Variants in ITGA2B observed in about 807,000 individuals in gnomAD.
ITGA2B encodes integrin subunit alpha 2b.
ITGA2B carries 91 observed loss-of-function variants against 142.0 expected under a neutral mutation model. That is an observed-to-expected ratio of 0.64 (90% confidence interval 0.54 to 0.76). The LOEUF is 0.76. ITGA2B is among the 30% of genes least tolerant of loss of function. The pLI is 0.00. For synonymous variants in ITGA2B, 536 were observed against 567.2 expected (o/e 0.94, Z 0.78); for missense variants, 1,231 against 1,350.8 (o/e 0.91, Z 1.39).
At chr17:44,388,706 A>G (rs1306760134) in intron 1 of ITGA2B, among the ~76,000 whole-genome samples, 2 of 151,950 alleles carry the variant, frequency 1.3e-5, no homozygotes, top group Non-Finnish European at 1.5e-5. Flanking sequence ...TTTAATAGAG[A>G]CAGGGTTTCA....
chr17:44,386,739 T>C (rs1161398818), intron 1 of ITGA2B, among the ~76,000 whole-genome samples: 1 of 152,260 alleles, frequency 6.6e-6, no homozygotes, highest in Admixed American at 6.5e-5. Context: ...ACGGTTAGCA[T>C]GGTCCCAGCC....
chr17:44,380,924 A>G lies in ITGA2B; in HGVS notation c.1348T>C (p.Phe450Leu). The part of the protein sequence containing the change: ...SPFPTGSAFG[F>L]SLRGAVDIDD... ...ATGTCTACGGCACCTCGAAGGGAGA[A>G]GCCAAAGGCAGAGCCTGTGGGGAAG... Residue 450 changes from phenylalanine to leucine, a missense_variant, in exon 13 of 30, where the codon TTC (phenylalanine) becomes CTC (leucine). Phe to Leu is a conservative substitution (Grantham distance 22, BLOSUM62 0). This residue lies in a region of ITGA2B where 908 missense variants were observed against 1,021.1 expected (regional missense o/e 0.89). Coordinates refer to ENST00000262407, the MANE Select transcript of ITGA2B (RefSeq NM_000419.5). The G allele has an allele frequency of 6.2e-7, 1 of 1,614,230 alleles. No homozygotes were observed.
intron 17 of ITGA2B, 25 bp downstream of exon 17, chr17:44,379,977 C>T: frequency 2.5e-6 from 4 of 1,613,054 alleles, no homozygotes; most frequent in Non-Finnish European, 3.4e-6. Flanking sequence ...TCTCCCAGCC[C>T]TGCCAATCCC....
intron 18 of ITGA2B, 34 bp from the exon 19 acceptor site, chr17:44,378,744 G>T: frequency 6.5e-7 from 1 of 1,547,070 alleles, no homozygotes; most frequent in South Asian, 1.2e-5. Context: ...CGGGTAAGTT[G>T]GGGATGTGTG....
At position 44,384,149 on chromosome 17, in the gene ITGA2B, A is replaced by T. The variant is rs1421574662; in HGVS notation, c.892-11T>A. ...ATCCAAAATTTCCACCTGCACGGAC[A>T]GCGCAGGCGAGAGCATCATTCTTGT... On this transcript the variant is annotated splice_polypyrimidine_tract_variant and intron_variant, in intron 9 of 29. Transcript: ENST00000262407. The T allele has an allele frequency of 3.1e-6, 5 of 1,612,548 alleles. No individual in the cohort carries two copies. The highest frequency in any genetic ancestry group is 4.2e-6 in the Non-Finnish European group (5 of 1,179,558).
rs2048535517 is a variant in ITGA2B, at chr17:44,375,683, G to A, written c.2635C>T (p.Pro879Ser). ...CGCTTGTGATGGGCCGGGTGAATGG[G>A]GGAGGGGCTGGGGATGGGCAGCCCC... ...DWGLPIPSPSPIHPAHHKRDR... is the reference protein window; with the variant it reads ...DWGLPIPSPSSIHPAHHKRDR... The change falls in exon 26 of 30, where the codon CCC becomes TCC. Residue 879 changes from proline (P) to serine (S), a missense_variant. Physicochemically the swap from Pro to Ser is moderately conservative, Grantham distance 74 (BLOSUM62 -1). This residue lies in a region of ITGA2B where 908 missense variants were observed against 1,021.1 expected (regional missense o/e 0.89). Coordinates refer to ENST00000262407, the MANE Select transcript of ITGA2B (RefSeq NM_000419.5). 2.5e-6 allele frequency: 4 copies of A among 1,601,942 alleles called. No homozygotes were observed. Among genetic ancestry groups the A allele is most frequent in the Non-Finnish European group, 3.4e-6 (4 of 1,174,678 alleles).
chr17:44,386,433 C>G (rs1183038321), intron 1 of ITGA2B, among the ~76,000 whole-genome samples: 1 of 152,198 alleles, frequency 6.6e-6, no homozygotes, highest in Non-Finnish European at 1.5e-5. Context: ...AAGACCTAAA[C>G]TCTGTACAAC....
Position 44,374,403 on chromosome 17 carries a change from A to ACACCCACCAG in ITGA2B, c.3001_3010dup (p.Val1004AlafsTer35), listed in dbSNP as rs2048520931. 6.2e-7 allele frequency: 1 copy of ACACCCACCAG among 1,614,072 alleles called. No individual in the cohort carries two copies. The highest frequency in any genetic ancestry group is 2.2e-5 in the East Asian group (1 of 44,870). ...GGTGAGCAGCAGCAGGCCACCCAGC[A>ACACCCACCAG]CACCCACCAGCACCCACCAGATTGG... On this transcript the variant is annotated frameshift_variant, in exon 29 of 30. Transcript: ENST00000262407. LOFTEE classifies it high-confidence loss of function.
intron 14 of ITGA2B, 49 bp from the exon 15 acceptor site, chr17:44,380,539 G>A: frequency 6.2e-7 from 1 of 1,613,632 alleles, no homozygotes. Context: ...GCTCCTCCTG[G>A]CCTGGCCTCC....
At chr17:44,376,756 G>A (rs1598377313) in intron 22 of ITGA2B, among the ~76,000 whole-genome samples, 1 of 151,986 alleles carries the variant, frequency 6.6e-6, no homozygotes, top group Admixed American at 6.6e-5. Flanking sequence ...GGGATTGTAG[G>A]TGCGCACCAC....
intron 20 of ITGA2B, among the ~76,000 whole-genome samples, chr17:44,378,087 GAA>G (rs1448480903): frequency 6.6e-6 from 1 of 151,838 alleles, no homozygotes; most frequent in Admixed American, 6.6e-5. Context: ...AGTCAATATT[GAA>G]AAAAAGACTG....
chr17:44,386,967 A>C (rs2048654598), intron 1 of ITGA2B, among the ~76,000 whole-genome samples: 1 of 152,168 alleles, frequency 6.6e-6, no homozygotes, highest in Non-Finnish European at 1.5e-5. Context: ...AATTAAAAAA[A>C]ATTTTTTTAT....
intron 12 of ITGA2B, among the ~76,000 whole-genome samples, chr17:44,382,904 C>A (rs2048609193): frequency 6.6e-6 from 1 of 152,086 alleles, no homozygotes; most frequent in African/African-American, 2.4e-5. Flanking sequence ...AATGCTTTTG[C>A]TCCCTAGGGC....
chr17:44,373,931 A>T, intron 29 of ITGA2B: 1 of 189,860 alleles, frequency 5.3e-6, no homozygotes, highest in Non-Finnish European at 1.1e-5. Context: ...TTTGAGATGG[A>T]GGCTCGCTCT....
chr17:44,383,958 G>A lies in ITGA2B; in HGVS notation c.946-12C>T, dbSNP rs763857170. 8.7e-6 allele frequency: 14 copies of A among 1,614,088 alleles called. No homozygotes were observed. In the South Asian group the frequency reaches 1.5e-4, roughly 18 times the overall value. On this transcript the variant is annotated splice_polypyrimidine_tract_variant and intron_variant, in intron 10 of 29. Coordinates refer to ENST00000262407, the MANE Select transcript of ITGA2B (RefSeq NM_000419.5). ...AAATACGACGCCATCTGCAAGATGAGGAGCACCATCATTCACGCCGCTGGA... is the reference window on the plus strand; with the variant it reads ...AAATACGACGCCATCTGCAAGATGAAGAGCACCATCATTCACGCCGCTGGA...
chr17:44,377,045 G>A lies in ITGA2B; in HGVS notation c.2231C>T (p.Ala744Val). 1 of 1,592,790 alleles carries A rather than the reference G, an allele frequency of 6.3e-7. No homozygotes were observed. The highest frequency in any genetic ancestry group is 8.5e-7 in the Non-Finnish European group (1 of 1,169,926). The change falls in exon 22 of 30, where the codon GCT becomes GTT. Residue 744 changes from alanine to valine, a missense_variant. By Grantham distance (64) the Ala-to-Val change is moderately conservative. This residue lies in a region of ITGA2B where 908 missense variants were observed against 1,021.1 expected (regional missense o/e 0.89). Coordinates refer to ENST00000262407, the MANE Select transcript of ITGA2B (RefSeq NM_000419.5). ...CAGCTGGAAGGACACAGACTCCCCA[G>A]CCTCTTCCAGATTCCCCACGCTCAC... Reference protein sequence around the residue: ...MLVSVGNLEEAGESVSFQLQI... With the variant: ...MLVSVGNLEEVGESVSFQLQI...
chr17:44,384,492 T>TC, intron 8 of ITGA2B, 46 bp downstream of exon 8: 1 of 1,613,174 alleles, frequency 6.2e-7, no homozygotes, highest in Non-Finnish European at 8.5e-7. Context: ...AAGGCGCTCC[T>TC]CCCCGGGCTG....
rs902937721 is a variant in ITGA2B at position 44,374,899 on chromosome 17, C to G, written c.2841+99G>C. On this transcript the variant is annotated intron_variant, in intron 27 of 29. Coordinates refer to ENST00000262407, the MANE Select transcript of ITGA2B (RefSeq NM_000419.5). ...AATCCCCCAAAGTAAACCTTGCCTTCCCTCTCTTCCTGCCCTCCCACACCA... is the reference window on the plus strand; with the variant it reads ...AATCCCCCAAAGTAAACCTTGCCTTGCCTCTCTTCCTGCCCTCCCACACCA... 5 of 1,276,994 alleles carry G rather than the reference C, an allele frequency of 3.9e-6. No individual in the cohort carries two copies. In the East Asian group the frequency reaches 7.6e-5, roughly 19 times the overall value. The allele number at this position is 1,276,994 out of a possible 1,614,324, so 79.1% of individuals were successfully genotyped here. A position where few individuals can be genotyped will look rare whatever the true frequency, so the allele number is the denominator to read the frequency against.
Position 44,372,211 on chromosome 17 carries a change from G to A in ITGA2B, c.*153C>T. 2.8e-6 allele frequency: 2 copies of A among 723,758 alleles called. No individual in the cohort carries two copies. The highest frequency in any genetic ancestry group is 4.9e-6 in the Non-Finnish European group (2 of 410,784). The allele number at this position is 723,758 out of a possible 1,614,324, so 44.8% of individuals were successfully genotyped here. ...GCTCAGTCTCTTTATTAGGCAGCAG[G>A]AGGGGGGGTAGCCCAGCTCTGTTGG... On this transcript the variant is annotated 3_prime_UTR_variant, in exon 30 of 30. Coordinates refer to ENST00000262407, the MANE Select transcript of ITGA2B (RefSeq NM_000419.5).
Sources: allele counts gnomAD v4.1 joint callset (sites outside exome capture counted in the v4.1 genomes callset), GRCh38; gene constraint gnomAD v4.1.1; regional missense constraint gnomAD v4.1.1; transcripts MANE v1.5; gene names NCBI Gene and HGNC (gene_info 2026-07-23, HGNC 2026-07-21).